The following KLHL29 variants were observed in gnomAD, a reference collection of about 807,000 sequenced individuals.
The protein encoded by KLHL29 is kelch-like protein 29.
Under a neutral mutation model 80.4 loss-of-function variants are expected in KLHL29, and 21 were observed. That is an observed-to-expected ratio of 0.26 (90% CI 0.19 to 0.38). The LOEUF (loss-of-function observed/expected upper bound fraction) is 0.38, where lower values mean the gene tolerates loss of function less well. KLHL29 is among the 10% of genes least tolerant of loss of function. The pLI is 1.00. For missense variants in KLHL29, 867 were observed against 1,223.9 expected, an observed-to-expected ratio of 0.71 and a Z score of 4.35; for synonymous variants, 511 against 526.8, an observed-to-expected ratio of 0.97 and a Z score of 0.41.
intron 1 of KLHL29, among the ~76,000 whole-genome samples, chr2:23,411,365 G>T (rs1666854944): frequency 1.4e-5 from 2 of 146,182 alleles, no homozygotes; most frequent in Admixed American, 1.4e-4. Context: ...TATTGGGTAT[G>T]TATGTTGCAA....
chr2:23,665,930 C>T lies in KLHL29; in HGVS notation c.941-18469C>T, dbSNP rs575641636. Among the ~76,000 whole-genome samples the T allele has an allele frequency of 3.6e-3, 546 of 152,360 alleles. 2 individuals carry two copies. Among genetic ancestry groups the T allele is most frequent in the Non-Finnish European group, 6.2e-3 (421 of 68,038 alleles). On this transcript the variant is annotated intron_variant, in intron 5 of 13. Coordinates refer to ENST00000486442, the MANE Select transcript of KLHL29 (RefSeq NM_052920.2). The stretch of plus-strand genomic sequence containing the variant: ...ACAAATATCCAAACCATATCAAGAA[C>T]CTTTTCCAAATATGAGCTGTATGCT...
rs149768682 is a variant in KLHL29 at position 23,584,276 on chromosome 2, C to T, written c.285+21795C>T. Among the ~76,000 whole-genome samples, 337 of 152,306 alleles carry T rather than the reference C, an allele frequency of 2.2e-3. 1 individual carries two copies. Among genetic ancestry groups the T allele is most frequent in the African/African-American group, 7.3e-3 (302 of 41,562 alleles). ...TGTTGCTGGTGCCCAGAGCCCATAC[C>T]GGGGCAGGCGGCGGTGCTGCTCAAA... On this transcript the variant is annotated intron_variant, in intron 3 of 13. Transcript: ENST00000486442.
chr2:23,494,767 C>T (rs1007561424), intron 2 of KLHL29, among the ~76,000 whole-genome samples: 5 of 152,044 alleles, frequency 3.3e-5, no homozygotes, highest in Admixed American at 2.6e-4. Flanking sequence ...TTCTGGTGAC[C>T]GTCACCTAGT....
intron 1 of KLHL29, among the ~76,000 whole-genome samples, chr2:23,453,172 A>G (rs1021067978): frequency 6.6e-6 from 1 of 151,956 alleles, no homozygotes; most frequent in South Asian, 2.1e-4. Flanking sequence ...CGATGTTCTT[A>G]TTGACTTGAG....
intron 1 of KLHL29, among the ~76,000 whole-genome samples, chr2:23,430,748 AG>A (rs1168079873): frequency 2.0e-5 from 3 of 152,222 alleles, no homozygotes; most frequent in African/African-American, 7.2e-5. Flanking sequence ...TCAGTGGTCT[AG>A]GTTAGAACCC....
At chr2:23,392,845 T>C (rs989881365) in intron 1 of KLHL29, among the ~76,000 whole-genome samples, 1 of 152,230 alleles carries the variant, frequency 6.6e-6, no homozygotes, top group African/African-American at 2.4e-5. Flanking sequence ...CTATACTAAT[T>C]AACATTTTAT....
intron 3 of KLHL29, among the ~76,000 whole-genome samples, chr2:23,622,498 C>T (rs550328590): frequency 4.6e-5 from 7 of 152,336 alleles, no homozygotes; most frequent in African/African-American, 1.4e-4. Context: ...TGGACAAATG[C>T]GAATGATGGG....
rs1669242441 is a variant in KLHL29, at chr2:23,623,741, AC to A, written c.286-15397del. On this transcript the variant is annotated intron_variant, in intron 3 of 13. Coordinates refer to ENST00000486442, the MANE Select transcript of KLHL29 (RefSeq NM_052920.2). ...TAAGTAGGTGAGTGGACATGTGCACACTTGTGCACCTGTGTGATAGTGTGTG... is the reference window on the plus strand; with the variant it reads ...TAAGTAGGTGAGTGGACATGTGCACATTGTGCACCTGTGTGATAGTGTGTG... 2.0e-5 allele frequency among the ~76,000 whole-genome samples: 3 copies of A among 152,182 alleles called. No individual in the cohort carries two copies. In the South Asian group the frequency reaches 6.2e-4, roughly 31 times the overall value.
chr2:23,642,989 C>T (rs1422665954), intron 5 of KLHL29, 139 bp downstream of exon 5: 1 of 1,002,460 alleles, frequency 1.0e-6, no homozygotes, highest in Admixed American at 2.0e-5. Flanking sequence ...GCAGTGGAGC[C>T]TCCACCTGCC....
chr2:23,549,622 G>A (rs1667070299), intron 2 of KLHL29, among the ~76,000 whole-genome samples: 1 of 152,234 alleles, frequency 6.6e-6, no homozygotes, highest in Non-Finnish European at 1.5e-5. Flanking sequence ...AGGGGAGTGG[G>A]CAAAACAGGG....
intron 2 of KLHL29, among the ~76,000 whole-genome samples, chr2:23,506,471 G>A (rs1665601084): frequency 6.6e-6 from 1 of 152,148 alleles, no homozygotes; most frequent in South Asian, 2.1e-4. Flanking sequence ...TCCCCCAAGA[G>A]CCACTGCTCC....
intron 1 of KLHL29, among the ~76,000 whole-genome samples, chr2:23,409,376 A>T (rs756818681): frequency 1.7e-4 from 26 of 152,182 alleles, no homozygotes; most frequent in Non-Finnish European, 3.1e-4. Context: ...TCTTCCTAGC[A>T]TATGGCTGGA....
At chr2:23,526,399 C>T (rs1409620826) in intron 2 of KLHL29, among the ~76,000 whole-genome samples, 4 of 152,224 alleles carry the variant, frequency 2.6e-5, no homozygotes, top group African/African-American at 4.8e-5. Context: ...CCATGCGTGA[C>T]TAAGGAACGC....
intron 3 of KLHL29, among the ~76,000 whole-genome samples, chr2:23,600,347 A>C (rs1668538144): frequency 6.6e-6 from 1 of 152,330 alleles, no homozygotes; most frequent in Non-Finnish European, 1.5e-5. Flanking sequence ...AAAGTTATCC[A>C]GGATGGCCCA....
At chr2:23,612,915 A>T (rs565028359) in intron 3 of KLHL29, among the ~76,000 whole-genome samples, 7 of 152,312 alleles carry the variant, frequency 4.6e-5, no homozygotes, top group Admixed American at 1.3e-4. Flanking sequence ...ATACAAAGAT[A>T]AAAAATCTCT....
Position 23,566,288 on chromosome 2 carries a change from G to A in KLHL29, c.285+3807G>A, listed in dbSNP as rs537268723. On this transcript the variant is annotated intron_variant, in intron 3 of 13. Coordinates refer to ENST00000486442, the MANE Select transcript of KLHL29 (RefSeq NM_052920.2). ...AATCAGCAGCCTCCCCAGGACACAA[G>A]TTCCAAGAGCCTAACAGGAGCAGAG... Among the ~76,000 whole-genome samples, 109 of 152,312 alleles carry A rather than the reference G, an allele frequency of 7.2e-4. 1 individual carries two copies. The highest frequency in any genetic ancestry group is 3.4e-3 in the Middle Eastern group (1 of 294).
chr2:23,698,741 C>G (rs527994381), intron 11 of KLHL29, among the ~76,000 whole-genome samples: 157 of 152,258 alleles, frequency 1.0e-3, no homozygotes, highest in African/African-American at 3.7e-3. Flanking sequence ...AGCAGAACGC[C>G]TCACTCGGCA....
At chr2:23,598,980 A>G (rs980680489) in intron 3 of KLHL29, among the ~76,000 whole-genome samples, 6 of 152,250 alleles carry the variant, frequency 3.9e-5, no homozygotes, top group Admixed American at 2.6e-4. Flanking sequence ...CGCCCAGCCC[A>G]GCTTGCATGA....
intron 2 of KLHL29, among the ~76,000 whole-genome samples, chr2:23,482,827 TCATTCATTCATTCA>T (rs1451491476): frequency 0.24 from 63 of 268 alleles, no homozygotes; most frequent in African/African-American, 0.31. Flanking sequence ...CAACGCTCAC[TCATTCATTCATTCA>T]TTCATTCATT....
Sources: gnomAD v4.1 joint callset for allele counts (sites outside exome capture counted in the v4.1 genomes callset) on GRCh38, gnomAD v4.1.1 for gene constraint, MANE v1.5 for transcripts, NCBI Gene and HGNC (gene_info 2026-07-23, HGNC 2026-07-21) for gene names.